Variants in FRMD3 observed in about 807,000 individuals in gnomAD.
FRMD3 encodes the protein FERM domain containing 3.
Under a neutral mutation model 70.2 loss-of-function variants are expected in FRMD3, and 33 were observed. The observed-to-expected ratio is 0.47, with a 90% CI of 0.36 to 0.63. The LOEUF (loss-of-function observed/expected upper bound fraction) is 0.63, where lower values mean the gene tolerates loss of function less well. Ranked by LOEUF, FRMD3 falls within the 20% of genes least tolerant of loss-of-function variation. The pLI, the probability that FRMD3 is intolerant of heterozygous loss-of-function variation, is 0.00. For synonymous variants in FRMD3, 279 were observed against 255.9 expected (o/e 1.09, Z -0.86); for missense variants, 632 against 711.4 (o/e 0.89, Z 1.27).
rs1824413024 is a variant in FRMD3 at position 83,357,258 on chromosome 9, T to TGGA, written c.296-7502_296-7501insTCC. On this transcript the variant is annotated intron_variant, in intron 3 of 13. Transcript: ENST00000304195. ...TATATAATACATACATATATATATATATATATATATATATATATATATATA... is the reference window on the plus strand; with the variant it reads ...TATATAATACATACATATATATATATGGAATATATATATATATATATATATATA... 6.1e-4 allele frequency among the ~76,000 whole-genome samples: 30 copies of TGGA among 48,820 alleles called. 7 individuals carry two copies. The highest frequency in any genetic ancestry group is 4.5e-3 in the African/African-American group (30 of 6,708). 32.0% of individuals were successfully genotyped at this position (48,820 alleles called of 152,430 possible). A position where few individuals can be genotyped will look rare whatever the true frequency, so the allele number is the denominator to read the frequency against.
rs1006431132 is a variant in FRMD3 at position 83,244,906 on chromosome 9, G to T, written c.*3012C>A. The T allele has an allele frequency of 9.4e-5, 93 of 984,852 alleles. No individual in the cohort carries two copies. Among genetic ancestry groups the T allele is most frequent in the Non-Finnish European group, 1.1e-4 (91 of 829,668 alleles). 61.0% of individuals were successfully genotyped at this position (984,852 alleles called of 1,614,324 possible). A position where few individuals can be genotyped will look rare whatever the true frequency, so the allele number is the denominator to read the frequency against. ...ATACATACTTTACTTTACCTACATTGTTTTCATGATCCAACTTGCATTAGC... is the reference window on the plus strand; with the variant it reads ...ATACATACTTTACTTTACCTACATTTTTTTCATGATCCAACTTGCATTAGC... On this transcript the variant is annotated 3_prime_UTR_variant, in exon 14 of 14. Transcript: ENST00000304195.
chr9:83,533,995 G>GA (rs955549784), intron 1 of FRMD3, among the ~76,000 whole-genome samples: 6 of 151,802 alleles, frequency 4.0e-5, no homozygotes, highest in Admixed American at 6.6e-5. Flanking sequence ...GGTGTCTAAA[G>GA]AAAAAAAAGT....
chr9:83,471,499 G>A (rs945376785), intron 1 of FRMD3, among the ~76,000 whole-genome samples: 5 of 152,114 alleles, frequency 3.3e-5, no homozygotes, highest in African/African-American at 1.2e-4. Context: ...AGTGAGGGTG[G>A]GTGGGACACC....
chr9:83,435,552 C>A (rs1827109211), intron 1 of FRMD3, among the ~76,000 whole-genome samples: 1 of 152,002 alleles, frequency 6.6e-6, no homozygotes, highest in Admixed American at 6.6e-5. Flanking sequence ...TAAACCACAG[C>A]CACCACCGAG....
At chr9:83,316,129 C>T (rs1036999536) in intron 6 of FRMD3, among the ~76,000 whole-genome samples, 1 of 151,390 alleles carries the variant, frequency 6.6e-6, no homozygotes, top group African/African-American at 2.4e-5. Context: ...GACATATATG[C>T]CACCTTATTC....
At chr9:83,527,529 A>G (rs1351351228) in intron 1 of FRMD3, among the ~76,000 whole-genome samples, 2 of 152,168 alleles carry the variant, frequency 1.3e-5, no homozygotes, top group African/African-American at 4.8e-5. Flanking sequence ...TAACAATATT[A>G]TTAGGAGAAA....
chr9:83,572,586 G>C, the FRMD3 span, among the ~76,000 whole-genome samples: 1 of 152,192 alleles, frequency 6.6e-6, no homozygotes, highest in Non-Finnish European at 1.5e-5. Context: ...AGAGAAGGGA[G>C]AGTAAATAGA....
chr9:83,449,555 G>T (rs1827580198), intron 1 of FRMD3, among the ~76,000 whole-genome samples: 2 of 152,210 alleles, frequency 1.3e-5, no homozygotes, highest in African/African-American at 4.8e-5. Flanking sequence ...GCTAGTGACA[G>T]AGCTGGGTCC....
At chr9:83,407,206 G>A (rs1220636045) in intron 1 of FRMD3, among the ~76,000 whole-genome samples, 1 of 152,180 alleles carries the variant, frequency 6.6e-6, no homozygotes, top group Non-Finnish European at 1.5e-5. Context: ...CTTTTCTCAA[G>A]TGAACTTATT....
intron 1 of FRMD3, among the ~76,000 whole-genome samples, chr9:83,441,264 T>G (rs940744195): frequency 5.3e-5 from 8 of 152,302 alleles, no homozygotes; most frequent in Non-Finnish European, 5.9e-5. Context: ...TTTGTTTTTG[T>G]TATTTCAAAA....
chr9:83,366,335 C>T (rs1397969831), intron 3 of FRMD3, among the ~76,000 whole-genome samples: 3 of 152,104 alleles, frequency 2.0e-5, no homozygotes, highest in Non-Finnish European at 4.4e-5. Flanking sequence ...CTTTGGGAGG[C>T]TGAGGTGGGA....
At chr9:83,361,299 A>G (rs1200931557) in intron 3 of FRMD3, among the ~76,000 whole-genome samples, 1 of 152,256 alleles carries the variant, frequency 6.6e-6, no homozygotes, top group Non-Finnish European at 1.5e-5. Flanking sequence ...CTAGTCAGAA[A>G]GCATTTATTA....
chr9:83,573,173 G>A, the FRMD3 span, among the ~76,000 whole-genome samples: 19 of 152,208 alleles, frequency 1.2e-4, 1 homozygote, highest in Middle Eastern at 6.8e-3. Flanking sequence ...CATTAATTGA[G>A]CATCTATTAA....
intron 1 of FRMD3, 90 bp from the exon 2 acceptor site, chr9:83,389,798 T>G (rs1279232830): frequency 1.2e-6 from 1 of 856,938 alleles, no homozygotes; most frequent in South Asian, 1.4e-5. Flanking sequence ...TGGGTCTATG[T>G]TCTGAAAAAT....
At chr9:83,573,351 T>C in the FRMD3 span, among the ~76,000 whole-genome samples, 4 of 152,220 alleles carry the variant, frequency 2.6e-5, no homozygotes, top group African/African-American at 9.6e-5. Flanking sequence ...TGTTTTTGTT[T>C]ATATAACAAA....
intron 1 of FRMD3, among the ~76,000 whole-genome samples, chr9:83,508,285 C>T (rs1829250589): frequency 1.3e-5 from 2 of 152,176 alleles, no homozygotes; most frequent in African/African-American, 4.8e-5. Context: ...TGTGAGGAGG[C>T]ATAACAGGGA....
At chr9:83,369,621 T>TAAAA (rs767745884) in intron 3 of FRMD3, among the ~76,000 whole-genome samples, 30 of 143,836 alleles carry the variant, frequency 2.1e-4, no homozygotes, top group African/African-American at 5.1e-4. Context: ...AATAAATAAA[T>TAAAA]AAAATACACA....
chr9:83,380,451 T>C (rs868666720), intron 2 of FRMD3, among the ~76,000 whole-genome samples: 13 of 152,204 alleles, frequency 8.5e-5, no homozygotes, highest in African/African-American at 3.1e-4. Flanking sequence ...GATGAGGATA[T>C]TGCCAATGAA....
chr9:83,526,727 C>A (rs1484039077), intron 1 of FRMD3, among the ~76,000 whole-genome samples: 1 of 152,134 alleles, frequency 6.6e-6, no homozygotes, highest in Non-Finnish European at 1.5e-5. Context: ...TCTTTTGTAT[C>A]TCTACTTCCA....
Sources: gnomAD v4.1 joint callset for allele counts (sites outside exome capture counted in the v4.1 genomes callset) on GRCh38, gnomAD v4.1.1 for gene constraint, MANE v1.5 for transcripts, NCBI Gene and HGNC (gene_info 2026-07-23, HGNC 2026-07-21) for gene names.